Variants in PTPRU observed in about 807,000 individuals in gnomAD.
The protein encoded by PTPRU is receptor-type tyrosine-protein phosphatase U.
Under a neutral mutation model 166.3 loss-of-function variants are expected in PTPRU, and 69 were observed. The ratio of observed to expected loss-of-function variants is 0.41; its 90% CI spans 0.34 to 0.51. The LOEUF (loss-of-function observed/expected upper bound fraction) is 0.51. PTPRU is among the 20% of genes least tolerant of loss of function. PTPRU has a pLI of 0.09. For synonymous variants in PTPRU, 793 were observed against 814.0 expected (o/e 0.97, Z 0.44); for missense variants, 1,657 against 2,013.7 (o/e 0.82, Z 3.39).
At position 29,321,129 on chromosome 1, in the gene PTPRU, C is replaced by T. The variant is rs1196677512; in HGVS notation, c.3828+304C>T. Among the ~76,000 whole-genome samples, 3 of 151,960 alleles carry T rather than the reference C, an allele frequency of 2.0e-5. No homozygotes were observed. The East Asian group carries it at 5.8e-4, about 29-fold the overall frequency. The stretch of plus-strand genomic sequence containing the variant: ...TTGTGCAGCCTCGACCTCTTGGGCC[C>T]AAGCCATCCTTCCACCTCAGCCTAT... On this transcript the variant is annotated intron_variant, in intron 26 of 29. Transcript: ENST00000373779.
rs780625689 is a variant in PTPRU at position 29,279,632 on chromosome 1, C to T, written c.1740C>T (p.Leu580=). 3 of 1,612,604 alleles carry T rather than the reference C, an allele frequency of 1.9e-6. No homozygotes were observed. The highest frequency in any genetic ancestry group is 3.3e-5 in the Admixed American group (2 of 60,000). ...GCAAAGGCTTCGGCCAGGCGGCACT[C>T]ACTGAGATAACCACTAACATCTCTG... The part of the protein sequence containing the change: ...RTGKGFGQAA[L]TEITTNISAP... Residue 580 remains leucine, a synonymous_variant, in exon 10 of 30, where the codon CTC becomes CTT. Transcript: ENST00000373779. This position sits in a 1 kb window ranked among gnomAD's most constrained non-coding sequence, Gnocchi z 5.2.
intron 14 of PTPRU, chr1:29,289,771 C>T: frequency 6.3e-7 from 1 of 1,583,656 alleles, no homozygotes; most frequent in Non-Finnish European, 8.6e-7. Flanking sequence ...GATCCCCTGT[C>T]CCCGCCTTCT....
chr1:29,302,414 G>T (rs1687179625), intron 15 of PTPRU, among the ~76,000 whole-genome samples: 1 of 152,154 alleles, frequency 6.6e-6, no homozygotes, highest in Admixed American at 6.5e-5. Flanking sequence ...TGTTTATAAA[G>T]CTCACAGTAG....
intron 12 of PTPRU, among the ~76,000 whole-genome samples, chr1:29,283,372 A>G (rs1413936370): frequency 1.4e-5 from 1 of 70,862 alleles, no homozygotes; most frequent in Non-Finnish European, 2.7e-5. Flanking sequence ...TCCTGACCCC[A>G]GGCTCCTTCC....
rs1427965671 is a variant in PTPRU at position 29,262,961 on chromosome 1, G to T, written c.1144+2058G>T. Reference sequence around the variant, plus strand: ...TATAATATATAATCTTTTGTGACTGGCTTCTTCCATTTATTTTATTATTTA... The same window carrying T: ...TATAATATATAATCTTTTGTGACTGTCTTCTTCCATTTATTTTATTATTTA... On this transcript the variant is annotated intron_variant, in intron 7 of 29. Coordinates refer to ENST00000373779, the MANE Select transcript of PTPRU (RefSeq NM_133178.4). Among the ~76,000 whole-genome samples, 3 of 151,936 alleles carry T rather than the reference G, an allele frequency of 2.0e-5. No homozygotes were observed. In the East Asian group the frequency reaches 5.8e-4, roughly 29 times the overall value.
chr1:29,277,692 A>G (rs1685865630), intron 8 of PTPRU, among the ~76,000 whole-genome samples: 1 of 149,560 alleles, frequency 6.7e-6, no homozygotes, highest in African/African-American at 2.5e-5. Context: ...TGACAACCCT[A>G]TGTGGTAGGT....
chr1:29,322,791 C>A (rs1190076174), intron 26 of PTPRU, among the ~76,000 whole-genome samples: 1 of 151,958 alleles, frequency 6.6e-6, no homozygotes, highest in Non-Finnish European at 1.5e-5. Context: ...TGTATTTGTA[C>A]GTGTGTTTGT....
rs1370370277 is a variant in PTPRU, at chr1:29,325,982, T to G, written c.*321T>G. The G allele has an allele frequency of 2.3e-6, 1 of 437,290 alleles. No homozygotes were observed. The allele number at this position is 437,290 out of a possible 1,614,324, so 27.1% of individuals were successfully genotyped here. The stretch of plus-strand genomic sequence containing the variant: ...CTCAGGACGGCTGGCTCTGGGGGAC[T>G]CAGGCCAAGCCCCTTGGCACCATCC... On this transcript the variant is annotated 3_prime_UTR_variant, in exon 30 of 30. Transcript: ENST00000373779.
intron 1 of PTPRU, among the ~76,000 whole-genome samples, chr1:29,247,929 T>C (rs1376995627): frequency 6.6e-6 from 1 of 152,182 alleles, no homozygotes; most frequent in Non-Finnish European, 1.5e-5. Flanking sequence ...TGGTTGCAGC[T>C]ATGGTGACTC....
At chr1:29,258,835 A>G in intron 3 of PTPRU, 59 bp downstream of exon 3, 2 of 1,524,270 alleles carry the variant, frequency 1.3e-6, no homozygotes, top group East Asian at 2.3e-5. Flanking sequence ...ATGGATGTCA[A>G]ATTGAGGTTG....
Position 29,275,438 on chromosome 1 carries a change from C to A in PTPRU, c.1145-10C>A. ...TCTAACTTCTTCTCTCTGCTTCCTGCATTCTCCAGAGCCCATGAGGGCCCC... is the reference window on the plus strand; with the variant it reads ...TCTAACTTCTTCTCTCTGCTTCCTGAATTCTCCAGAGCCCATGAGGGCCCC... On this transcript the variant is annotated splice_polypyrimidine_tract_variant and intron_variant, in intron 7 of 29. Transcript: ENST00000373779. 1 of 1,601,230 alleles carries A rather than the reference C, an allele frequency of 6.2e-7. No homozygotes were observed. Among genetic ancestry groups the A allele is most frequent in the Non-Finnish European group, 8.5e-7 (1 of 1,169,612 alleles).
At chr1:29,313,079 C>T (rs950013003) in intron 22 of PTPRU, among the ~76,000 whole-genome samples, 7 of 152,212 alleles carry the variant, frequency 4.6e-5, no homozygotes, top group Non-Finnish European at 7.3e-5. Flanking sequence ...AAGGACTTCA[C>T]TTCTCTCCAC....
At chr1:29,255,916 G>T (rs1684755320) in intron 2 of PTPRU, among the ~76,000 whole-genome samples, 1 of 152,318 alleles carries the variant, frequency 6.6e-6, no homozygotes, top group South Asian at 2.1e-4. Context: ...TCAAGATGGG[G>T]CACCTTTGTC....
At chr1:29,278,927 A>G in intron 8 of PTPRU, 85 bp from the exon 9 acceptor site, 1 of 1,033,610 alleles carries the variant, frequency 9.7e-7, no homozygotes, top group Non-Finnish European at 1.5e-6. Context: ...AGAACCAGGT[A>G]GGAAGCGGCA....
At chr1:29,309,335 C>T (rs1308830804) in intron 18 of PTPRU, among the ~76,000 whole-genome samples, 3 of 152,096 alleles carry the variant, frequency 2.0e-5, no homozygotes, top group Admixed American at 6.5e-5. Context: ...AGATTTATGT[C>T]TCAAGAAAGA....
chr1:29,246,908 G>A (rs1453908506), intron 1 of PTPRU, among the ~76,000 whole-genome samples: 1 of 151,996 alleles, frequency 6.6e-6, no homozygotes, highest in African/African-American at 2.4e-5. Flanking sequence ...GAGCTACTGC[G>A]CCCAGCTCCA....
At position 29,280,854 on chromosome 1, in the gene PTPRU, C is replaced by T. The variant is rs1233757966; in HGVS notation, c.1868+713C>T. 6.6e-6 allele frequency among the ~76,000 whole-genome samples: 1 copy of T among 152,146 alleles called. No homozygotes were observed. The highest frequency in any genetic ancestry group is 1.5e-5 in the Non-Finnish European group (1 of 68,024). ...CCAGACCCCGTGCTAGGGGCTTTAT[C>T]TGCATGAAGCCATTTATCCTCATGG... On this transcript the variant is annotated intron_variant, in intron 11 of 29. Coordinates refer to ENST00000373779, the MANE Select transcript of PTPRU (RefSeq NM_133178.4). The surrounding 1 kb of genome is among the most constrained non-coding windows in gnomAD (Gnocchi z 4.2).
Position 29,282,842 on chromosome 1 carries a change from C to A in PTPRU, c.2035C>A (p.Pro679Thr). 6.2e-7 allele frequency: 1 copy of A among 1,614,154 alleles called. No individual in the cohort carries two copies. Among genetic ancestry groups the A allele is most frequent in the Non-Finnish European group, 8.5e-7 (1 of 1,180,010 alleles). Reference protein sequence around the residue: ...LAASSLPEAMPFTVGDNQTYR... With the variant: ...LAASSLPEAMTFTVGDNQTYR... ...GGCCAGCAGTCTACCTGAGGCCATGCCCTTTACCGTGGGTGACAACCAGAC... is the reference window on the plus strand; with the variant it reads ...GGCCAGCAGTCTACCTGAGGCCATGACCTTTACCGTGGGTGACAACCAGAC... The change falls in exon 12 of 30, where the codon CCC becomes ACC. Residue 679 changes from proline to threonine, a missense_variant. Coordinates refer to ENST00000373779, the MANE Select transcript of PTPRU (RefSeq NM_133178.4).
intron 15 of PTPRU, among the ~76,000 whole-genome samples, chr1:29,301,743 C>T (rs988197332): frequency 6.6e-6 from 1 of 152,138 alleles, no homozygotes; most frequent in Admixed American, 6.5e-5. Flanking sequence ...CTCCCCTCAT[C>T]CCATGACAGG....
Sources: allele counts gnomAD v4.1 joint callset (sites outside exome capture counted in the v4.1 genomes callset), GRCh38; gene constraint gnomAD v4.1.1; non-coding constraint Gnocchi (gnomAD v3.1); transcripts MANE v1.5; gene names NCBI Gene and HGNC (gene_info 2026-07-23, HGNC 2026-07-21).